AP1B1: variants seen among roughly 807,000 people sequenced by gnomAD.
AP1B1 encodes adaptor related protein complex 1 subunit beta 1, also known as AP-1 complex subunit beta-1.
AP1B1 carries 36 observed loss-of-function variants against 104.3 expected under a neutral mutation model. The observed-to-expected ratio is 0.35, with a 90% CI of 0.26 to 0.46. The LOEUF is 0.46. Among genes scored for constraint, AP1B1 ranks in the 20% least tolerant of loss-of-function variants. The pLI is 1.00. For missense variants in AP1B1, 901 were observed against 1,247.9 expected, an observed-to-expected ratio of 0.72 and a Z score of 4.19; for synonymous variants, 504 against 517.5, an observed-to-expected ratio of 0.97 and a Z score of 0.35.
intron 1 of AP1B1, among the ~76,000 whole-genome samples, chr22:29,368,413 G>T (rs2062177662): frequency 6.6e-6 from 1 of 152,000 alleles, no homozygotes; most frequent in Non-Finnish European, 1.5e-5. Flanking sequence ...AGTTCTTCTG[G>T]GCAACAGATG....
intron 21 of AP1B1, 100 bp from the exon 22 acceptor site, chr22:29,329,820 C>A (rs1414766411): frequency 7.0e-6 from 11 of 1,568,362 alleles, no homozygotes; most frequent in African/African-American, 1.3e-5. Flanking sequence ...CCCCACCGAC[C>A]AGCACTGCCA....
At chr22:29,343,646 T>C (rs1021996727) in intron 11 of AP1B1, among the ~76,000 whole-genome samples, 3 of 152,218 alleles carry the variant, frequency 2.0e-5, no homozygotes, top group Non-Finnish European at 4.4e-5. Flanking sequence ...CAGCAACTTA[T>C]GGCAGCTTGC....
intron 2 of AP1B1, among the ~76,000 whole-genome samples, chr22:29,364,247 A>G (rs379061): frequency 2.0e-5 from 3 of 152,204 alleles, no homozygotes; most frequent in South Asian, 4.1e-4. Flanking sequence ...CTCTGAAAAC[A>G]GGAATTCAGC....
At chr22:29,382,546 G>C (rs2062454013) in intron 1 of AP1B1, among the ~76,000 whole-genome samples, 1 of 152,028 alleles carries the variant, frequency 6.6e-6, no homozygotes, top group Non-Finnish European at 1.5e-5. Flanking sequence ...AGATAAGTGA[G>C]TAAAATATAT....
chr22:29,346,360 G>C (rs1209101561), intron 11 of AP1B1, among the ~76,000 whole-genome samples: 2 of 152,178 alleles, frequency 1.3e-5, no homozygotes, highest in Non-Finnish European at 2.9e-5. Flanking sequence ...TGGCACCAGG[G>C]ACCAGTTTTG....
chr22:29,343,936 C>A (rs1011193919), intron 11 of AP1B1, among the ~76,000 whole-genome samples: 1 of 151,918 alleles, frequency 6.6e-6, no homozygotes, highest in East Asian at 1.9e-4. Flanking sequence ...CATGGTGAAA[C>A]CCTGTCTTTA....
At position 29,350,000 on chromosome 22, in the gene AP1B1, C is replaced by T. The variant is rs772116834; in HGVS notation, c.1271+35G>A. On this transcript the variant is annotated intron_variant, in intron 10 of 22. Transcript: ENST00000357586. ...CCGCCATCCCTGTCCCCAGGCAGAG[C>T]TAGATGCCCTCTCCCTAGGAGGGCG... is the stretch of plus-strand genomic sequence containing the variant. The T allele has an allele frequency of 5.9e-6, 9 of 1,533,842 alleles. No homozygotes were observed. In the South Asian group the frequency reaches 8.9e-5, roughly 15 times the overall value.
intron 17 of AP1B1, 144 bp from the exon 18 acceptor site, chr22:29,332,060 C>T: frequency 1.2e-6 from 1 of 816,958 alleles, no homozygotes; most frequent in Non-Finnish European, 1.8e-6. Context: ...GGACCCTGGA[C>T]AGAAGGATGG....
rs1193483102 is a variant in AP1B1 at position 29,329,038 on chromosome 22, G to A, written c.2776-143C>T. 1.2e-5 allele frequency: 17 copies of A among 1,458,714 alleles called. No homozygotes were observed. The South Asian group carries it at 1.7e-4, about 14-fold the overall frequency. The allele number at this position is 1,458,714 out of a possible 1,614,324, so 90.4% of individuals were successfully genotyped here. ...GGCGGCAGCTGCGCCTGGCACAGAT[G>A]TGAGGTAAAGCGGAGGGGGCGGCTG... On this transcript the variant is annotated intron_variant, in intron 22 of 22. Transcript: ENST00000357586.
chr22:29,354,688 A>G lies in AP1B1; in HGVS notation c.900T>C (p.Tyr300=), dbSNP rs765521066. ...TLLSAEPELQ[Y]VALRNINLIV... ...TGAGATTGATGTTGCGCAGGGCCAC[A>G]TACTGCAGCTCTGGCTCGGCTGACA... Residue 300 remains tyrosine (Y), a synonymous_variant, in exon 7 of 23, where the codon TAT becomes TAC. Coordinates refer to ENST00000357586, the MANE Select transcript of AP1B1 (RefSeq NM_001127.4). 1.2e-6 allele frequency: 2 copies of G among 1,614,082 alleles called. No individual in the cohort carries two copies. Among genetic ancestry groups the G allele is most frequent in the Non-Finnish European group, 8.5e-7 (1 of 1,180,034 alleles).
At chr22:29,371,045 A>G (rs2267135) in intron 1 of AP1B1, among the ~76,000 whole-genome samples, 56,592 of 151,944 alleles carry the variant, frequency 0.37, 11,448 homozygotes, top group East Asian at 0.67. Flanking sequence ...GAAACGCTTT[A>G]GAAAGCCACC....
chr22:29,357,386 G>T (rs574996737), intron 5 of AP1B1, among the ~76,000 whole-genome samples: 1 of 152,118 alleles, frequency 6.6e-6, no homozygotes, highest in African/African-American at 2.4e-5. Context: ...TTGTTTTTGA[G>T]ATTGAGTCTC....
chr22:29,360,847 C>A lies in AP1B1; in HGVS notation c.144-888G>T, dbSNP rs5997466. ...TTTTCTATCTCTGAAATCATCATAT[C>A]CCCTCTCAATTCTTATGTGTTTATA... On this transcript the variant is annotated intron_variant, in intron 3 of 22. Transcript: ENST00000357586. Among the ~76,000 whole-genome samples the A allele has an allele frequency of 6.6e-4, 101 of 152,234 alleles. 1 individual carries two copies. The highest frequency in any genetic ancestry group is 6.8e-3 in the Middle Eastern group (2 of 294).
At chr22:29,368,273 G>A (rs1375680299) in intron 1 of AP1B1, among the ~76,000 whole-genome samples, 1 of 152,040 alleles carries the variant, frequency 6.6e-6, no homozygotes, top group Non-Finnish European at 1.5e-5. Context: ...ACTCCAGCCT[G>A]GGAGACAGAG....
chr22:29,344,798 C>T (rs1421863657), intron 11 of AP1B1, among the ~76,000 whole-genome samples: 6 of 151,936 alleles, frequency 3.9e-5, no homozygotes, highest in Non-Finnish European at 2.9e-5. Flanking sequence ...GGATTACAGG[C>T]GTGAGCCCAG....
chr22:29,358,025 C>A lies in AP1B1; in HGVS notation c.525+701G>T, dbSNP rs369113036. On this transcript the variant is annotated intron_variant, in intron 5 of 22. Coordinates refer to ENST00000357586, the MANE Select transcript of AP1B1 (RefSeq NM_001127.4). ...TAAGGGTGTTCTGCATTGTTTCCAA[C>A]TTTTCTCTGTGAACCATCCAGTGCT... is the stretch of plus-strand genomic sequence containing the variant. Among the ~76,000 whole-genome samples, 69 of 152,316 alleles carry A rather than the reference C, an allele frequency of 4.5e-4. No individual in the cohort carries two copies. The South Asian group carries it at 0.012, about 27-fold the overall frequency.
chr22:29,330,765 C>T (rs2061545850), intron 19 of AP1B1, 56 bp from the exon 20 acceptor site: 2 of 1,465,408 alleles, frequency 1.4e-6, no homozygotes, highest in Non-Finnish European at 1.9e-6. Flanking sequence ...CCTGTGGGCC[C>T]TCTGTAGCTC....
At chr22:29,340,196 C>T (rs1470013735) in intron 14 of AP1B1, among the ~76,000 whole-genome samples, 1 of 152,194 alleles carries the variant, frequency 6.6e-6, no homozygotes, top group African/African-American at 2.4e-5. Flanking sequence ...TTCCCACTCC[C>T]CTCTCTCCCC....
At position 29,328,760 on chromosome 22, in the gene AP1B1, GCCC is replaced by G. The variant is rs1475705176; in HGVS notation, c.*58_*60del. 3 of 1,557,802 alleles carry G rather than the reference GCCC, an allele frequency of 1.9e-6. No homozygotes were observed. In the African/African-American group the frequency reaches 4.0e-5, roughly 21 times the overall value. ...CCTCCTGCGAGGAGGAAGATGTGCTGCCCCCGAGGGGCCTCCTCGATGGGGCGG... is the reference window on the plus strand; with the variant it reads ...CCTCCTGCGAGGAGGAAGATGTGCTGCCGAGGGGCCTCCTCGATGGGGCGG... On this transcript the variant is annotated 3_prime_UTR_variant, in exon 23 of 23. Transcript: ENST00000357586. This position sits in a 1 kb window ranked among gnomAD's most constrained non-coding sequence, Gnocchi z 4.1.
Sources: allele counts gnomAD v4.1 joint callset (sites outside exome capture counted in the v4.1 genomes callset), GRCh38; gene constraint gnomAD v4.1.1; non-coding constraint Gnocchi (gnomAD v3.1); transcripts MANE v1.5; gene names NCBI Gene and HGNC (gene_info 2026-07-23, HGNC 2026-07-21).